Variants in NCK1 observed in about 807,000 individuals in gnomAD.
NCK1 encodes NCK adaptor protein 1.
In NCK1, 19 loss-of-function variants were observed where a neutral mutation model predicts 36.6. The ratio of observed to expected loss-of-function variants is 0.52; its 90% CI spans 0.36 to 0.76. The LOEUF is 0.76. NCK1 is among the 30% of genes least tolerant of loss of function. NCK1 has a pLI of 0.00. For missense variants in NCK1, 358 were observed against 445.6 expected (o/e 0.80, Z 1.77); for synonymous variants, 165 against 156.0 (o/e 1.06, Z -0.43).
chr3:136,906,101 G>A (rs1251764316), intron 1 of NCK1, among the ~76,000 whole-genome samples: 2 of 152,092 alleles, frequency 1.3e-5, no homozygotes, highest in African/African-American at 4.8e-5. Flanking sequence ...TTTTCCTGAA[G>A]ATGTATTTGT....
intron 1 of NCK1, among the ~76,000 whole-genome samples, chr3:136,895,546 A>T (rs992526397): frequency 6.6e-6 from 1 of 151,694 alleles, no homozygotes; most frequent in Non-Finnish European, 1.5e-5. Context: ...TTGAATTTGT[A>T]TGTTGTTTTT....
chr3:136,904,176 A>G (rs897526642), intron 1 of NCK1, among the ~76,000 whole-genome samples: 1 of 151,980 alleles, frequency 6.6e-6, no homozygotes, highest in African/African-American at 2.4e-5. Flanking sequence ...ATTTTTTTAG[A>G]CAGTCTCGCT....
intron 2 of NCK1, among the ~76,000 whole-genome samples, chr3:136,939,733 C>T (rs1443737366): frequency 2.0e-5 from 3 of 151,698 alleles, no homozygotes; most frequent in Admixed American, 2.0e-4. Flanking sequence ...AGTTGCCACA[C>T]ACTTGTTAAT....
intron 1 of NCK1, among the ~76,000 whole-genome samples, chr3:136,865,794 A>G (rs1938395497): frequency 1.3e-5 from 2 of 152,352 alleles, no homozygotes; most frequent in South Asian, 4.1e-4. Context: ...TGTCTGGCTG[A>G]TCCTCACCTT....
chr3:136,939,496 TTTGAG>T (rs1418791734), intron 2 of NCK1, among the ~76,000 whole-genome samples: 2 of 152,166 alleles, frequency 1.3e-5, no homozygotes, highest in Admixed American at 6.5e-5. Context: ...TTCTTTTTGC[TTTGAG>T]TTTAGTTTTT....
At chr3:136,930,622 T>C in intron 2 of NCK1, 1 of 1,399,684 alleles carries the variant, frequency 7.1e-7, no homozygotes, top group Non-Finnish European at 9.4e-7. Context: ...TTAAATCCAC[T>C]GTTTTCTTGA....
Position 136,914,488 on chromosome 3 carries a change from C to T in NCK1, c.-18-13496C>T, listed in dbSNP as rs183319600. On this transcript the variant is annotated intron_variant, in intron 1 of 3. Transcript: ENST00000481752. ...TGTTGCTTCCTACTCTGCTTTCTCC[C>T]CAGAATCCTCTAATGTTTTTTAAAG... Among the ~76,000 whole-genome samples, 58 of 152,230 alleles carry T rather than the reference C, an allele frequency of 3.8e-4. No individual in the cohort carries two copies. In the East Asian group the frequency reaches 0.01, roughly 27 times the overall value.
intron 2 of NCK1, among the ~76,000 whole-genome samples, chr3:136,932,895 T>C (rs1242484578): frequency 6.6e-6 from 1 of 152,222 alleles, no homozygotes; most frequent in Non-Finnish European, 1.5e-5. Flanking sequence ...TTCTCAACAC[T>C]TACTCAGTGA....
At chr3:136,934,939 T>C (rs1940491016) in intron 2 of NCK1, among the ~76,000 whole-genome samples, 1 of 152,104 alleles carries the variant, frequency 6.6e-6, no homozygotes, top group Non-Finnish European at 1.5e-5. Flanking sequence ...ATGACCTGAG[T>C]GTTTGTGTCC....
At chr3:136,880,805 C>T (rs991298122) in intron 1 of NCK1, among the ~76,000 whole-genome samples, 1 of 152,074 alleles carries the variant, frequency 6.6e-6, no homozygotes, top group African/African-American at 2.4e-5. Flanking sequence ...ATGGGGTTCT[C>T]ACTTCTTTGC....
chr3:136,930,366 G>C, intron 2 of NCK1: 1 of 944,438 alleles, frequency 1.1e-6, no homozygotes, highest in Non-Finnish European at 1.4e-6. Context: ...TGTTATACAG[G>C]CTGTGTTATA....
intron 1 of NCK1, among the ~76,000 whole-genome samples, chr3:136,872,813 A>G (rs1335858703): frequency 6.6e-6 from 1 of 152,218 alleles, no homozygotes; most frequent in Non-Finnish European, 1.5e-5. Flanking sequence ...AGAGGGTGCA[A>G]GCCCCAAGCC....
chr3:136,915,584 A>T (rs540288436), intron 1 of NCK1, among the ~76,000 whole-genome samples: 123 of 152,318 alleles, frequency 8.1e-4, no homozygotes, highest in African/African-American at 2.3e-3. Context: ...GTCTGCTCTC[A>T]CGTTGCTATA....
chr3:136,919,411 A>G (rs1168324836), intron 1 of NCK1, among the ~76,000 whole-genome samples: 40 of 152,194 alleles, frequency 2.6e-4, no homozygotes. Flanking sequence ...ATTCCTCAAT[A>G]TATATTGACA....
chr3:136,895,161 C>A (rs771768700), intron 1 of NCK1, among the ~76,000 whole-genome samples: 1 of 152,298 alleles, frequency 6.6e-6, no homozygotes, highest in East Asian at 1.9e-4. Flanking sequence ...AGGCATGAGC[C>A]ACTGCGCCCA....
In NCK1 at chr3:136,945,636, G is replaced by T; in HGVS notation, c.280G>T (p.Asp94Tyr). 1 of 1,613,926 alleles carries T rather than the reference G, an allele frequency of 6.2e-7. No individual in the cohort carries two copies. The highest frequency in any genetic ancestry group is 8.5e-7 in the Non-Finnish European group (1 of 1,179,906). The change falls in exon 3 of 4, where the codon GAT (aspartate) becomes TAT (tyrosine). Residue 94 changes from aspartate to tyrosine, a missense_variant. Coordinates refer to ENST00000481752, the MANE Select transcript of NCK1 (RefSeq NM_001291999.2). ...TGTGCCAGATTCTGCATCTCCTGCT[G>T]ATGATAGTTTTGTTGACCCAGGGGA... ...PSVPDSASPA[D>Y]DSFVDPGERL...
chr3:136,936,038 CTT>C (rs35254283), intron 2 of NCK1, among the ~76,000 whole-genome samples: 7,365 of 128,180 alleles, frequency 0.057, 223 homozygotes, highest in East Asian at 0.11. Context: ...GTCTAAATAA[CTT>C]TTTTTTTTTT....
At chr3:136,889,044 A>ATTTTTTTTTTTT (rs58385753) in intron 1 of NCK1, 3 of 91,196 alleles carry the variant, frequency 3.3e-5, no homozygotes, top group Non-Finnish European at 6.0e-5. Flanking sequence ...TAATTTTTTG[A>ATTTTTTTTTTTT]TTTTTTTTTT....
At chr3:136,891,919 C>G (rs1323231345) in intron 1 of NCK1, among the ~76,000 whole-genome samples, 2 of 152,200 alleles carry the variant, frequency 1.3e-5, no homozygotes, top group African/African-American at 2.4e-5. Flanking sequence ...GACAAAGTCT[C>G]ACTGTATCAC....
Sources: allele counts gnomAD v4.1 joint callset (sites outside exome capture counted in the v4.1 genomes callset), GRCh38; gene constraint gnomAD v4.1.1; transcripts MANE v1.5; gene names NCBI Gene and HGNC (gene_info 2026-07-23, HGNC 2026-07-21).